UGT3A2: variants seen among roughly 807,000 people sequenced by gnomAD.
UGT3A2 encodes UDP-glycosyltransferase 3A2.
UGT3A2 carries 32 observed loss-of-function variants against 39.8 expected under a neutral mutation model. The ratio of observed to expected loss-of-function variants is 0.80; its 90% CI spans 0.61 to 1.08. The LOEUF is 1.08. Ranked by LOEUF, UGT3A2 falls within the 50% of genes least tolerant of loss-of-function variation. UGT3A2 has a pLI of 0.00. For synonymous variants in UGT3A2, 241 were observed against 230.7 expected (o/e 1.04, Z -0.40); for missense variants, 611 against 637.1 (o/e 0.96, Z 0.44).
At chr5:36,040,317 A>C (rs1301568677) in intron 4 of UGT3A2, among the ~76,000 whole-genome samples, 1 of 152,194 alleles carries the variant, frequency 6.6e-6, no homozygotes, top group African/African-American at 2.4e-5. Flanking sequence ...AGGTGGAGCA[A>C]GATGGCAGAA....
intron 4 of UGT3A2, among the ~76,000 whole-genome samples, chr5:36,043,868 T>G (rs189135094): frequency 6.6e-6 from 1 of 151,942 alleles, no homozygotes; most frequent in Non-Finnish European, 1.5e-5. Context: ...TAATAAAAAG[T>G]CTCCTAGCAA....
intron 6 of UGT3A2, 114 bp from the exon 7 acceptor site, chr5:36,036,088 T>C: frequency 7.6e-7 from 1 of 1,321,982 alleles, no homozygotes; most frequent in Non-Finnish European, 1.0e-6. Flanking sequence ...TTCTGTTGGC[T>C]TTGCAGTAAT....
intron 4 of UGT3A2, among the ~76,000 whole-genome samples, chr5:36,040,733 G>A (rs1741980328): frequency 6.6e-6 from 1 of 152,138 alleles, no homozygotes. Context: ...AAAGTGCTCT[G>A]GGGTTCAAAA....
chr5:36,049,602 A>G (rs1023885721), intron 3 of UGT3A2, among the ~76,000 whole-genome samples, 182 bp from the exon 4 acceptor site: 3 of 151,974 alleles, frequency 2.0e-5, no homozygotes, highest in Admixed American at 6.6e-5. Flanking sequence ...AAATGTTTCT[A>G]CTCCCTAGAG....
intron 5 of UGT3A2, 149 bp from the exon 6 acceptor site, chr5:36,038,165 G>A: frequency 1.2e-6 from 1 of 829,594 alleles, no homozygotes; most frequent in East Asian, 2.8e-5. Flanking sequence ...CACATCCAAT[G>A]TTACAGTTCC....
Position 36,035,965 on chromosome 5 carries a change from G to A in UGT3A2, c.1305C>T (p.Ser435=), listed in dbSNP as rs140054705. The A allele has an allele frequency of 4.0e-4, 642 of 1,613,632 alleles. 1 individual carries two copies. In the African/African-American group the frequency reaches 7.6e-3, roughly 19 times the overall value. ...KQIMEDKRYK[S]AAVAASVILR... ...GGATGACACTGGCAGCCACTGCCGC[G>A]GACTTGTATCTGTTGAGAGAGATAG... The change falls in exon 7 of 7, where the codon TCC becomes TCT. Residue 435 remains serine (S), a synonymous_variant. Coordinates refer to ENST00000282507, the MANE Select transcript of UGT3A2 (RefSeq NM_174914.4).
At chr5:36,063,929 C>T (rs995848986) in intron 2 of UGT3A2, among the ~76,000 whole-genome samples, 1 of 152,100 alleles carries the variant, frequency 6.6e-6, no homozygotes, top group Non-Finnish European at 1.5e-5. Context: ...AGCCACCTTG[C>T]CCCACCATGT....
intron 6 of UGT3A2, 105 bp from the exon 7 acceptor site, chr5:36,036,079 T>G: frequency 7.1e-7 from 1 of 1,414,260 alleles, no homozygotes; most frequent in African/African-American, 1.4e-5. Context: ...CCAAGGAAAT[T>G]CTGTTGGCTT....
chr5:36,042,592 G>A (rs1411568776), intron 4 of UGT3A2, among the ~76,000 whole-genome samples: 11 of 151,976 alleles, frequency 7.2e-5, no homozygotes, highest in Admixed American at 7.2e-4. Flanking sequence ...AAAACAGAAA[G>A]AGTGATTGAA....
At chr5:36,039,455 A>G in intron 5 of UGT3A2, 22 bp downstream of exon 5, 1 of 1,608,440 alleles carries the variant, frequency 6.2e-7, no homozygotes, top group Non-Finnish European at 8.5e-7. Context: ...GAAGGAGAGG[A>G]GCAGTCCTGG....
At chr5:36,065,418 C>G (rs1196278764) in intron 1 of UGT3A2, among the ~76,000 whole-genome samples, 1 of 152,180 alleles carries the variant, frequency 6.6e-6, no homozygotes, top group Non-Finnish European at 1.5e-5. Context: ...CCCACAGAAA[C>G]AGCTGTTAGC....
At chr5:36,044,185 T>C (rs1342781815) in intron 4 of UGT3A2, among the ~76,000 whole-genome samples, 1 of 152,060 alleles carries the variant, frequency 6.6e-6, no homozygotes, top group Non-Finnish European at 1.5e-5. Flanking sequence ...TCGTTCAACA[T>C]ATGCAAATCA....
At chr5:36,053,911 C>G (rs762477882) in intron 2 of UGT3A2, among the ~76,000 whole-genome samples, 5 of 152,170 alleles carry the variant, frequency 3.3e-5, no homozygotes, top group African/African-American at 1.2e-4. Context: ...CTTTAACTCT[C>G]CTACCATCTT....
chr5:36,040,905 G>C (rs1741985087), intron 4 of UGT3A2, among the ~76,000 whole-genome samples: 1 of 152,154 alleles, frequency 6.6e-6, no homozygotes, highest in South Asian at 2.1e-4. Flanking sequence ...TCCTCCAGGA[G>C]AGGAGAGGGA....
At chr5:36,051,088 C>T (rs372591908) in intron 3 of UGT3A2, among the ~76,000 whole-genome samples, 17 of 152,000 alleles carry the variant, frequency 1.1e-4, no homozygotes, top group South Asian at 6.3e-4. Context: ...TTAGATCAGA[C>T]GTATAGAGGA....
At chr5:36,062,181 A>G (rs1216331517) in intron 2 of UGT3A2, among the ~76,000 whole-genome samples, 1 of 149,914 alleles carries the variant, frequency 6.7e-6, no homozygotes, top group Non-Finnish European at 1.5e-5. Flanking sequence ...ATTTTCTCCC[A>G]TTTTGTAGGT....
At chr5:36,062,460 T>C (rs1742737238) in intron 2 of UGT3A2, among the ~76,000 whole-genome samples, 5 of 152,104 alleles carry the variant, frequency 3.3e-5, no homozygotes, top group Admixed American at 3.3e-4. Context: ...TTTCTACGTA[T>C]GGCTAGCCAG....
At chr5:36,040,432 A>G (rs1201739775) in intron 4 of UGT3A2, among the ~76,000 whole-genome samples, 1 of 152,216 alleles carries the variant, frequency 6.6e-6, no homozygotes, top group Admixed American at 6.5e-5. Flanking sequence ...AGCAATCACC[A>G]TTCCTGGTTT....
At chr5:36,058,581 G>C (rs1179271280) in intron 2 of UGT3A2, among the ~76,000 whole-genome samples, 1 of 152,062 alleles carries the variant, frequency 6.6e-6, no homozygotes, top group Non-Finnish European at 1.5e-5. Context: ...AAGCCTGTTA[G>C]TAATAATATG....
Sources: allele counts gnomAD v4.1 joint callset (sites outside exome capture counted in the v4.1 genomes callset), GRCh38; gene constraint gnomAD v4.1.1; transcripts MANE v1.5; gene names NCBI Gene and HGNC (gene_info 2026-07-23, HGNC 2026-07-21).